The following ZNF671 variants were observed in gnomAD, a reference collection of about 807,000 sequenced individuals.
The protein encoded by ZNF671 is hypothetical protein FLJ23506.
ZNF671 carries 19 observed loss-of-function variants against 16.6 expected under a neutral mutation model. That is an observed-to-expected ratio of 1.14 (90% confidence interval 0.80 to 1.68). The LOEUF (loss-of-function observed/expected upper bound fraction) is 1.68. Among genes scored for constraint, ZNF671 ranks in the 40% most tolerant of loss-of-function variants. ZNF671 has a pLI of 0.00. For synonymous variants in ZNF671, 238 were observed against 236.3 expected (o/e 1.01, Z -0.06); for missense variants, 637 against 659.8 (o/e 0.97, Z 0.38).
chr19:57,722,024 C>G, intron 3 of ZNF671: 1 of 548,942 alleles, frequency 1.8e-6, no homozygotes, highest in Non-Finnish European at 3.2e-6. Context: ...AGCTGGTGTT[C>G]AAAGACTATT....
intron 1 of ZNF671, 73 bp downstream of exon 1, chr19:57,727,318 C>G: frequency 1.3e-6 from 2 of 1,513,206 alleles, no homozygotes; most frequent in Non-Finnish European, 1.8e-6. Context: ...TCCTGGGACA[C>G]AGGGGCTGCA....
At chr19:57,726,605 CT>C (rs1986057732) in intron 1 of ZNF671, among the ~76,000 whole-genome samples, 1 of 152,100 alleles carries the variant, frequency 6.6e-6, no homozygotes, top group Admixed American at 6.5e-5. Flanking sequence ...GACTGCCCCA[CT>C]TAAATCTGAC....
At position 57,721,102 on chromosome 19, in the gene ZNF671, G is replaced by T. The variant is rs1266677586; in HGVS notation, c.984C>A (p.Leu328=). 1 of 1,614,014 alleles carries T rather than the reference G, an allele frequency of 6.2e-7. No homozygotes were observed. The highest frequency in any genetic ancestry group is 1.7e-5 in the Admixed American group (1 of 60,020). ...CAGTGTGAACTGTCTGGTGTTTAAAGAGGTCATAGCTTTGGCTGAAGAATT... is the reference window on the plus strand; with the variant it reads ...CAGTGTGAACTGTCTGGTGTTTAAATAGGTCATAGCTTTGGCTGAAGAATT... ...CGKFFSQSYD[L]FKHQTVHTGE... is the part of the protein sequence containing the mutation. The change falls in exon 4 of 4, where the codon CTC becomes CTA. Residue 328 remains leucine (L), a synonymous_variant. Transcript: ENST00000317398.
chr19:57,720,594 A>G lies in ZNF671; in HGVS notation c.1492T>C (p.Trp498Arg). The G allele has an allele frequency of 6.2e-7, 1 of 1,614,010 alleles. No homozygotes were observed. Among genetic ancestry groups the G allele is most frequent in the Non-Finnish European group, 8.5e-7 (1 of 1,179,998 alleles). ...FTQRPNLIRHWKVHTGERPYV... is the reference protein window; with the variant it reads ...FTQRPNLIRHRKVHTGERPYV... ...GGCCTTTCCCCAGTGTGGACTTTCCAGTGCCTGATGAGGTTGGGTCTTTGA... is the reference window on the plus strand; with the variant it reads ...GGCCTTTCCCCAGTGTGGACTTTCCGGTGCCTGATGAGGTTGGGTCTTTGA... The change falls in exon 4 of 4, where the codon TGG becomes CGG. Residue 498 changes from tryptophan to arginine, a missense_variant. Transcript: ENST00000317398.
In ZNF671 at chr19:57,719,859, T is replaced by C. The variant is rs1985788466; in HGVS notation, c.*622A>G. 6.5e-6 allele frequency: 1 copy of C among 153,322 alleles called. No individual in the cohort carries two copies. Among genetic ancestry groups the C allele is most frequent in the African/African-American group, 2.4e-5 (1 of 41,454 alleles). 9.5% of individuals were successfully genotyped at this position (153,322 alleles called of 1,614,324 possible). ...TATCCATAACGAGCATCATATGAAA[T>C]CAATCAACACAGGTAAGTCTCTGCA... On this transcript the variant is annotated 3_prime_UTR_variant, in exon 4 of 4. Coordinates refer to ENST00000317398, the MANE Select transcript of ZNF671 (RefSeq NM_024833.3).
At chr19:57,721,985 G>A (rs554381584) in intron 3 of ZNF671, 1 of 556,506 alleles carries the variant, frequency 1.8e-6, no homozygotes, top group South Asian at 2.5e-5. Flanking sequence ...AATGTATCCA[G>A]TCCCAGGAAA....
chr19:57,722,327 C>A lies in ZNF671; in HGVS notation c.377G>T (p.Gly126Val). The change falls in exon 3 of 4, where the codon GGA (glycine) becomes GTA (valine). Residue 126 changes from glycine to valine, a missense_variant. By Grantham distance (109) the Gly-to-Val change is moderately radical. Coordinates refer to ENST00000317398, the MANE Select transcript of ZNF671 (RefSeq NM_024833.3). Reference protein sequence around the residue: ...TSATEREAQRGLRPGCWHGVE... With the variant: ...TSATEREAQRVLRPGCWHGVE... The stretch of plus-strand genomic sequence containing the variant: ...CGATGTCCACTCACCAGGTCTAAGT[C>A]CCCTCTGGGCCTCTCTTTCTGTGGC... 6.2e-7 allele frequency: 1 copy of A among 1,614,092 alleles called. No individual in the cohort carries two copies. Among genetic ancestry groups the A allele is most frequent in the Non-Finnish European group, 8.5e-7 (1 of 1,179,998 alleles).
intron 2 of ZNF671, 126 bp downstream of exon 2, chr19:57,723,088 C>T: frequency 1.6e-6 from 2 of 1,269,918 alleles, no homozygotes; most frequent in Admixed American, 2.4e-5. Flanking sequence ...GTAGGGAGGA[C>T]ACTCCATACA....
intron 1 of ZNF671, among the ~76,000 whole-genome samples, chr19:57,724,183 C>T (rs1212886357): frequency 2.0e-5 from 3 of 152,168 alleles, no homozygotes. Flanking sequence ...CAATCACAGG[C>T]ACCTCAAACC....
At position 57,727,604 on chromosome 19, in the gene ZNF671, C is replaced by T. The variant is rs988442418; in HGVS notation, c.-76G>A. The T allele has an allele frequency of 3.9e-6, 6 of 1,534,398 alleles. No homozygotes were observed. The African/African-American group carries it at 6.9e-5, about 18-fold the overall frequency. On this transcript the variant is annotated 5_prime_UTR_variant, in exon 1 of 4. Coordinates refer to ENST00000317398, the MANE Select transcript of ZNF671 (RefSeq NM_024833.3). Reference sequence around the variant, plus strand: ...AGAACCCCGGCCAGGGACAGCCTGACAGAAACAAAATGTCCGCTACAAGGA... The same window carrying T: ...AGAACCCCGGCCAGGGACAGCCTGATAGAAACAAAATGTCCGCTACAAGGA...
At chr19:57,722,852 G>T (rs1568467940) in intron 2 of ZNF671, among the ~76,000 whole-genome samples, 1 of 151,834 alleles carries the variant, frequency 6.6e-6, no homozygotes, top group Non-Finnish European at 1.5e-5. Context: ...CTGAGATCAT[G>T]CCACTGCACT....
chr19:57,724,651 G>A (rs955532972), intron 1 of ZNF671, among the ~76,000 whole-genome samples: 7 of 151,780 alleles, frequency 4.6e-5, no homozygotes, highest in Non-Finnish European at 8.8e-5. Context: ...TCAGCCTCCC[G>A]AGTAGCCGGG....
At chr19:57,723,850 G>GA (rs1318718144) in intron 1 of ZNF671, among the ~76,000 whole-genome samples, 1 of 139,302 alleles carries the variant, frequency 7.2e-6, no homozygotes, top group African/African-American at 2.8e-5. Context: ...CCAACATGGT[G>GA]AAACCCCGTC....
intron 3 of ZNF671, 189 bp from the exon 4 acceptor site, chr19:57,721,886 G>A (rs1403852428): frequency 4.0e-6 from 3 of 747,308 alleles, no homozygotes; most frequent in Non-Finnish European, 6.3e-6. Context: ...ATGGGGGAGT[G>A]CCAATGAAGG....
Position 57,720,489 on chromosome 19 carries a change from T to C in ZNF671, c.1597A>G (p.Lys533Glu), listed in dbSNP as rs1205926668. Residue 533 changes from lysine (K) to glutamate (E), a missense_variant, in exon 4 of 4, where the codon AAG (lysine) becomes GAG (glutamate). Physicochemically the swap from Lys to Glu is moderately conservative, Grantham distance 56. Transcript: ENST00000317398. The stretch of plus-strand genomic sequence containing the variant: ...CCACATTTGCTACACTCTTAAAGCT[T>C]TTCTCCAGCATGAACCCTCTGGTGC... ...VLHQRVHAGE[K>E]L 12 of 1,612,074 alleles carry C rather than the reference T, an allele frequency of 7.4e-6. No homozygotes were observed. Among genetic ancestry groups the C allele is most frequent in the East Asian group, 4.5e-5 (2 of 44,828 alleles).
chr19:57,721,569 A>G lies in ZNF671; in HGVS notation c.517T>C (p.Leu173=). Residue 173 remains leucine (L), a synonymous_variant, in exon 4 of 4, where the codon TTG becomes CTG. Transcript: ENST00000317398. ...SHPCDICGPI[L]KDTLHLAKYH... is the part of the protein sequence containing the mutation. Reference sequence around the variant, plus strand: ...TTAGCCAGGTGTAAGGTATCTTTCAATATTGGGCCACATATGTCACATGGG... The same window carrying G: ...TTAGCCAGGTGTAAGGTATCTTTCAGTATTGGGCCACATATGTCACATGGG... 1.9e-6 allele frequency: 3 copies of G among 1,614,152 alleles called. No individual in the cohort carries two copies. Among genetic ancestry groups the G allele is most frequent in the Non-Finnish European group, 2.5e-6 (3 of 1,180,028 alleles).
intron 1 of ZNF671, among the ~76,000 whole-genome samples, chr19:57,724,066 G>A (rs935648196): frequency 2.7e-5 from 4 of 147,636 alleles, no homozygotes; most frequent in African/African-American, 1.0e-4. Flanking sequence ...AAAAGTGCTT[G>A]CCAACAATCA....
At chr19:57,723,032 C>G (rs1568467995) in intron 2 of ZNF671, among the ~76,000 whole-genome samples, 182 bp downstream of exon 2, 2 of 152,176 alleles carry the variant, frequency 1.3e-5, no homozygotes, top group Admixed American at 6.5e-5. Flanking sequence ...CCACAAGTCT[C>G]ATGACCCCAA....
chr19:57,720,402 C>G lies in ZNF671; in HGVS notation c.*79G>C. ...AAGGCTTTCCTGCATCTGCTGCACT[C>G]ATTAACTACTGCTAGTTCCCCACCA... On this transcript the variant is annotated 3_prime_UTR_variant, in exon 4 of 4. Transcript: ENST00000317398. The G allele has an allele frequency of 6.5e-7, 1 of 1,536,844 alleles. No homozygotes were observed. The highest frequency in any genetic ancestry group is 1.2e-5 in the South Asian group (1 of 80,316).
Sources: allele counts gnomAD v4.1 joint callset (sites outside exome capture counted in the v4.1 genomes callset), GRCh38; gene constraint gnomAD v4.1.1; transcripts MANE v1.5; gene names NCBI Gene and HGNC (gene_info 2026-07-23, HGNC 2026-07-21).